Variants in GRID2IP observed in about 807,000 individuals in gnomAD.
GRID2IP encodes the protein Grid2 interacting protein.
A neutral mutation model predicts 114.3 loss-of-function variants in GRID2IP; 78 were observed. The ratio of observed to expected loss-of-function variants is 0.68; its 90% CI spans 0.57 to 0.82. GRID2IP has a LOEUF of 0.82. Ranked by LOEUF, GRID2IP falls within the 40% of genes least tolerant of loss-of-function variation. The probability of loss-of-function intolerance (pLI) is 0.00; values close to 1 mark genes in which losing one functional copy is unlikely to be tolerated. For synonymous variants in GRID2IP, 809 were observed against 724.0 expected (o/e 1.12, Z -1.89); for missense variants, 1,727 against 1,678.5 (o/e 1.03, Z -0.51).
At chr7:6,505,746 G>T in intron 14 of GRID2IP, 74 bp downstream of exon 14, 1 of 919,902 alleles carries the variant, frequency 1.1e-6, no homozygotes, top group Non-Finnish European at 1.7e-6. Context: ...GTGCAGCCCT[G>T]GGAGATGCTA....
intron 2 of GRID2IP, among the ~76,000 whole-genome samples, chr7:6,527,030 C>T (rs1282241336): frequency 6.6e-6 from 1 of 152,148 alleles, no homozygotes; most frequent in Non-Finnish European, 1.5e-5. Context: ...TCCTCCATGA[C>T]TCTGGCCACT....
chr7:6,538,028 GAGTGTTCCTCT>G (rs997629717), intron 2 of GRID2IP, among the ~76,000 whole-genome samples: 3 of 152,094 alleles, frequency 2.0e-5, no homozygotes, highest in African/African-American at 7.2e-5. Flanking sequence ...TTCAGTGAAA[GAGTGTTCCTCT>G]AGTGTCTGCT....
intron 2 of GRID2IP, chr7:6,531,111 G>A: frequency 3.7e-6 from 2 of 539,236 alleles, no homozygotes; most frequent in South Asian, 2.3e-5. Context: ...ATCTGGAGCC[G>A]GGGACCGCGG....
At chr7:6,511,140 G>T in intron 8 of GRID2IP, 101 bp from the exon 9 acceptor site, 13 of 1,279,614 alleles carry the variant, frequency 1.0e-5, no homozygotes, top group Non-Finnish European at 1.3e-5. Flanking sequence ...GCACCAATAT[G>T]CAGACCCCAA....
rs1779517028 is a variant in GRID2IP at position 6,526,628 on chromosome 7, G to A, written c.726C>T (p.Leu242=). 7.5e-7 allele frequency: 1 copy of A among 1,328,498 alleles called. No homozygotes were observed. The highest frequency in any genetic ancestry group is 1.7e-5 in the South Asian group (1 of 57,862). 82.3% of individuals were successfully genotyped at this position (1,328,498 alleles called of 1,614,324 possible). The change falls in exon 3 of 22, where the codon CTC becomes CTT. Residue 242 remains leucine (L), a synonymous_variant. Transcript: ENST00000457091. This position sits in a 1 kb window ranked among gnomAD's most constrained non-coding sequence, Gnocchi z 7.6. ...GGGCGCTGGCGCGCGTGGACACCAG[G>A]AGGCGCTCCGGCCGCTCCTCGCTGC... The part of the protein sequence containing the change: ...RSRSEERPER[L]LVSTRASAPP...
rs1176441787 is a variant in GRID2IP at position 6,497,949 on chromosome 7, G to GA, written c.3565-105dup. The GA allele has an allele frequency of 2.1e-6, 3 of 1,398,388 alleles. No homozygotes were observed. The Admixed American group carries it at 6.8e-5, about 32-fold the overall frequency. 86.6% of individuals were successfully genotyped at this position (1,398,388 alleles called of 1,614,324 possible). ...AGACAGCCCATCAGGGGGTTAGGGGGACATGTCGCTCACTGGAGCCCCTTT... is the reference window on the plus strand; with the variant it reads ...AGACAGCCCATCAGGGGGTTAGGGGGAACATGTCGCTCACTGGAGCCCCTTT... On this transcript the variant is annotated intron_variant, in intron 21 of 21. Coordinates refer to ENST00000457091, the MANE Select transcript of GRID2IP (RefSeq NM_001145118.2).
At chr7:6,548,336 C>T (rs1275641176) in intron 1 of GRID2IP, among the ~76,000 whole-genome samples, 2 of 151,812 alleles carry the variant, frequency 1.3e-5, no homozygotes, top group East Asian at 1.9e-4. Flanking sequence ...GGCAACAGAG[C>T]GAGACTCTGG....
At chr7:6,544,909 G>C (rs954917443) in intron 1 of GRID2IP, among the ~76,000 whole-genome samples, 1 of 151,812 alleles carries the variant, frequency 6.6e-6, no homozygotes, top group African/African-American at 2.4e-5. Flanking sequence ...GTGAAACCCC[G>C]TCTCTACTAA....
chr7:6,508,902 G>A lies in GRID2IP; in HGVS notation c.2127+56C>T, dbSNP rs956408365. On this transcript the variant is annotated intron_variant, in intron 12 of 21. Coordinates refer to ENST00000457091, the MANE Select transcript of GRID2IP (RefSeq NM_001145118.2). The surrounding 1 kb of genome is among the most constrained non-coding windows in gnomAD (Gnocchi z 5.6). The stretch of plus-strand genomic sequence containing the variant: ...GGGAGCCCAGGAACACTGTTGCCTT[G>A]CAGACCGCCACACCTCGCCTCACCC... 5.3e-6 allele frequency: 8 copies of A among 1,508,916 alleles called. No homozygotes were observed. In the African/African-American group the frequency reaches 8.3e-5, roughly 16 times the overall value. The allele number at this position is 1,508,916 out of a possible 1,614,324, so 93.5% of individuals were successfully genotyped here.
chr7:6,550,399 A>G (rs926840303), intron 1 of GRID2IP, among the ~76,000 whole-genome samples: 3 of 152,110 alleles, frequency 2.0e-5, no homozygotes, highest in African/African-American at 7.2e-5. Context: ...TATTTTATAT[A>G]TTGATCAAGA....
chr7:6,510,838 C>T (rs1254134439), intron 9 of GRID2IP, 70 bp downstream of exon 9: 5 of 1,505,068 alleles, frequency 3.3e-6, no homozygotes, highest in African/African-American at 2.8e-5. Flanking sequence ...GATTCCCCAC[C>T]TCACCAAGCC....
In GRID2IP at chr7:6,520,688, C is replaced by T. The variant is rs1330947902; in HGVS notation, c.1158G>A (p.Pro386=). The part of the protein sequence containing the change: ...TSLQWVAEIL[P]SSIRVQGRTF... ...TCCTCCCTTGGACCCGGATGCTGGACGGCAGGATCTCCGCCACCCACTGCA... is the reference window on the plus strand; with the variant it reads ...TCCTCCCTTGGACCCGGATGCTGGATGGCAGGATCTCCGCCACCCACTGCA... Residue 386 remains proline (P), a synonymous_variant, in exon 7 of 22, where the codon CCG becomes CCA. Transcript: ENST00000457091. The surrounding 1 kb of genome is among the most constrained non-coding windows in gnomAD (Gnocchi z 4.6). 6.4e-6 allele frequency: 10 copies of T among 1,551,544 alleles called. No individual in the cohort carries two copies. The highest frequency in any genetic ancestry group is 4.9e-5 in the East Asian group (2 of 40,936).
Position 6,536,814 on chromosome 7 carries a change from G to T in GRID2IP, c.584+2904C>A, listed in dbSNP as rs923528924. 18 of 693,816 alleles carry T rather than the reference G, an allele frequency of 2.6e-5. No individual in the cohort carries two copies. Among genetic ancestry groups the T allele is most frequent in the Admixed American group, 8.1e-5 (4 of 49,242 alleles). 43.0% of individuals were successfully genotyped at this position (693,816 alleles called of 1,614,324 possible). A position where few individuals can be genotyped will look rare whatever the true frequency, so the allele number is the denominator to read the frequency against. On this transcript the variant is annotated intron_variant, in intron 2 of 21. Coordinates refer to ENST00000457091, the MANE Select transcript of GRID2IP (RefSeq NM_001145118.2). This position sits in a 1 kb window ranked among gnomAD's most constrained non-coding sequence, Gnocchi z 5.3. ...CCTCTTCTGATTCTCCTAGCAAGGG[G>T]CTCACCCCTTACTCACCCCAGGCAG...
rs1266303359 is a variant in GRID2IP at position 6,526,609 on chromosome 7, T to A, written c.745A>T (p.Ser249Cys). 12 of 1,200,272 alleles carry A rather than the reference T, an allele frequency of 1.0e-5. No individual in the cohort carries two copies. The South Asian group carries it at 2.7e-4, about 27-fold the overall frequency. 74.4% of individuals were successfully genotyped at this position (1,200,272 alleles called of 1,614,324 possible). A position where few individuals can be genotyped will look rare whatever the true frequency, so the allele number is the denominator to read the frequency against. Residue 249 changes from serine to cysteine, a missense_variant, in exon 3 of 22, where the codon AGC (serine) becomes TGC (cysteine). Transcript: ENST00000457091. This position sits in a 1 kb window ranked among gnomAD's most constrained non-coding sequence, Gnocchi z 7.6. ...TCATCGGGGCGGCGCGGCGGGGCGCTGGCGCGCGTGGACACCAGGAGGCGC... is the reference window on the plus strand; with the variant it reads ...TCATCGGGGCGGCGCGGCGGGGCGCAGGCGCGCGTGGACACCAGGAGGCGC... ...PERLLVSTRA[S>C]APPRRPDEPP...
rs1786628052 is a variant in GRID2IP at position 6,507,435 on chromosome 7, G to A, written c.2544+550C>T. Among the ~76,000 whole-genome samples the A allele has an allele frequency of 6.6e-6, 1 of 152,040 alleles. No homozygotes were observed. The highest frequency in any genetic ancestry group is 2.4e-5 in the African/African-American group (1 of 41,396). On this transcript the variant is annotated intron_variant, in intron 13 of 21. Coordinates refer to ENST00000457091, the MANE Select transcript of GRID2IP (RefSeq NM_001145118.2). This position sits in a 1 kb window ranked among gnomAD's most constrained non-coding sequence, Gnocchi z 5.3. ...GTTCATCTTGCAGATTGGTTGGTCTGTGGATAAGATTGCTCTGCCCGATTT... is the reference window on the plus strand; with the variant it reads ...GTTCATCTTGCAGATTGGTTGGTCTATGGATAAGATTGCTCTGCCCGATTT...
In GRID2IP at chr7:6,536,908, G is replaced by GGGGTGGGC; in HGVS notation, c.584+2802_584+2809dup. ...CAGAGCCGAGAGCTGCGCCGGGGCTGGGGTGGGCGGGGGGGCGGCGGGGAG... is the reference window on the plus strand; with the variant it reads ...CAGAGCCGAGAGCTGCGCCGGGGCTGGGGTGGGCGGGTGGGCGGGGGGGCGGCGGGGAG... On this transcript the variant is annotated intron_variant, in intron 2 of 21. Coordinates refer to ENST00000457091, the MANE Select transcript of GRID2IP (RefSeq NM_001145118.2). This position sits in a 1 kb window ranked among gnomAD's most constrained non-coding sequence, Gnocchi z 5.3. 1 of 663,400 alleles carries GGGGTGGGC rather than the reference G, an allele frequency of 1.5e-6. No individual in the cohort carries two copies. The highest frequency in any genetic ancestry group is 2.7e-6 in the Non-Finnish European group (1 of 366,718). The allele number at this position is 663,400 out of a possible 1,614,324, so 41.1% of individuals were successfully genotyped here.
rs575242520 is a variant in GRID2IP at position 6,518,426 on chromosome 7, A to G, written c.1268+2152T>C. Among the ~76,000 whole-genome samples the G allele has an allele frequency of 2.0e-5, 3 of 152,228 alleles. No individual in the cohort carries two copies. The East Asian group carries it at 5.8e-4, about 29-fold the overall frequency. On this transcript the variant is annotated intron_variant, in intron 7 of 21. Transcript: ENST00000457091. The stretch of plus-strand genomic sequence containing the variant: ...AATCAAATAAAAATAACAGGATGTC[A>G]CTTTTATGGCTAAGAAAGTAGCAAA...
At chr7:6,502,968 G>C in intron 17 of GRID2IP, 40 bp downstream of exon 17, 1 of 1,550,782 alleles carries the variant, frequency 6.4e-7, no homozygotes, top group Non-Finnish European at 8.7e-7. Flanking sequence ...CCAGGAGGCA[G>C]AGAAGCAGAT....
In GRID2IP at chr7:6,520,519, C is replaced by A; in HGVS notation, c.1268+59G>T. ...CAGGCAGGGAGACTGGGATGTGAGT[C>A]TAGGCAGGACTTAGGGCCCACCCAG... On this transcript the variant is annotated intron_variant, in intron 7 of 21. Coordinates refer to ENST00000457091, the MANE Select transcript of GRID2IP (RefSeq NM_001145118.2). This position sits in a 1 kb window ranked among gnomAD's most constrained non-coding sequence, Gnocchi z 4.6. 5 of 1,485,592 alleles carry A rather than the reference C, an allele frequency of 3.4e-6. No homozygotes were observed. Among genetic ancestry groups the A allele is most frequent in the Non-Finnish European group, 4.5e-6 (5 of 1,099,092 alleles). The allele number at this position is 1,485,592 out of a possible 1,614,324, so 92.0% of individuals were successfully genotyped here.
Sources: allele counts gnomAD v4.1 joint callset (sites outside exome capture counted in the v4.1 genomes callset), GRCh38; gene constraint gnomAD v4.1.1; non-coding constraint Gnocchi (gnomAD v3.1); transcripts MANE v1.5; gene names NCBI Gene and HGNC (gene_info 2026-07-23, HGNC 2026-07-21).